The following KATNIP variants were observed in gnomAD, a reference collection of about 807,000 sequenced individuals.
KATNIP encodes the protein katanin interacting protein.
KATNIP carries 126 observed loss-of-function variants against 174.0 expected under a neutral mutation model. That is an observed-to-expected ratio of 0.72 (90% confidence interval 0.63 to 0.84). The LOEUF (loss-of-function observed/expected upper bound fraction) is 0.84, where lower values mean the gene tolerates loss of function less well. Among genes scored for constraint, KATNIP ranks in the 40% least tolerant of loss-of-function variants. The pLI, the probability that KATNIP is intolerant of heterozygous loss-of-function variation, is 0.00. For missense variants in KATNIP, 1,958 were observed against 2,109.7 expected (o/e 0.93, Z 1.41); for synonymous variants, 810 against 835.7 (o/e 0.97, Z 0.53).
At chr16:27,721,467 T>C (rs1597293146) in intron 13 of KATNIP, 91 bp from the exon 14 acceptor site, 1 of 1,518,424 alleles carries the variant, frequency 6.6e-7, no homozygotes, top group East Asian at 2.3e-5. Flanking sequence ...AGGCCTCTCC[T>C]GGTTTTCGTG....
chr16:27,735,393 G>A (rs909640123), intron 14 of KATNIP, among the ~76,000 whole-genome samples: 8 of 152,204 alleles, frequency 5.3e-5, no homozygotes, highest in African/African-American at 1.9e-4. Context: ...TGCTGGACTA[G>A]ATGGTTTCCC....
chr16:27,704,469 C>T (rs2079221477), intron 12 of KATNIP, among the ~76,000 whole-genome samples: 1 of 152,128 alleles, frequency 6.6e-6, no homozygotes, highest in Admixed American at 6.6e-5. Context: ...TTAGGAAGAG[C>T]CTGAGAAACA....
chr16:27,680,895 A>G (rs1007471598), intron 7 of KATNIP, among the ~76,000 whole-genome samples: 7 of 152,180 alleles, frequency 4.6e-5, no homozygotes, highest in Non-Finnish European at 8.8e-5. Flanking sequence ...GAGTTTCACC[A>G]TGTTGGCCAG....
chr16:27,632,116 T>G (rs923421002), intron 5 of KATNIP, among the ~76,000 whole-genome samples: 12 of 152,236 alleles, frequency 7.9e-5, no homozygotes, highest in Admixed American at 2.6e-4. Context: ...TTCTGTGTTC[T>G]TGCTCATATA....
intron 10 of KATNIP, among the ~76,000 whole-genome samples, chr16:27,699,888 CTATT>C (rs1486443787): frequency 2.0e-5 from 3 of 152,004 alleles, no homozygotes; most frequent in Admixed American, 6.6e-5. Context: ...GTAATTATTT[CTATT>C]TATTTATTTT....
chr16:27,575,525 T>C (rs1402040607), intron 2 of KATNIP, among the ~76,000 whole-genome samples: 1 of 152,202 alleles, frequency 6.6e-6, no homozygotes, highest in African/African-American at 2.4e-5. Context: ...CCAACACTTT[T>C]GATTGTAAAG....
chr16:27,574,263 T>G, intron 2 of KATNIP: 1 of 365,414 alleles, frequency 2.7e-6, no homozygotes, highest in South Asian at 2.7e-5. Flanking sequence ...TTTGGTGGGT[T>G]AGCAGTTTGG....
At chr16:27,729,484 T>C (rs1670526135) in intron 14 of KATNIP, among the ~76,000 whole-genome samples, 1 of 152,140 alleles carries the variant, frequency 6.6e-6, no homozygotes, top group African/African-American at 2.4e-5. Context: ...GGAGGAAAAA[T>C]CATCAGGGAA....
rs74423009 is a variant in KATNIP at position 27,607,965 on chromosome 16, C to A, written c.64-10460C>A. On this transcript the variant is annotated intron_variant, in intron 2 of 27. Coordinates refer to ENST00000261588, the MANE Select transcript of KATNIP (RefSeq NM_015202.5). ...AGTGATGGTTCTCTGGTGAGACCTGCAGTCAGCACGGTTGGGTATCCAGCA... is the reference window on the plus strand; with the variant it reads ...AGTGATGGTTCTCTGGTGAGACCTGAAGTCAGCACGGTTGGGTATCCAGCA... 9.7e-3 allele frequency among the ~76,000 whole-genome samples: 1,479 copies of A among 152,252 alleles called. 29 individuals are homozygous for A. The highest frequency in any genetic ancestry group is 0.033 in the African/African-American group (1,380 of 41,538).
At chr16:27,616,014 A>G (rs1181828280) in intron 2 of KATNIP, among the ~76,000 whole-genome samples, 1 of 152,166 alleles carries the variant, frequency 6.6e-6, no homozygotes, top group Non-Finnish European at 1.5e-5. Context: ...ACTTGCTATA[A>G]CTTGGGACCA....
chr16:27,720,084 T>C (rs2143015948), intron 13 of KATNIP, among the ~76,000 whole-genome samples: 1 of 152,298 alleles, frequency 6.6e-6, no homozygotes, highest in East Asian at 1.9e-4. Context: ...CAGACCCAGC[T>C]TACAGTCTCT....
chr16:27,678,283 C>T (rs763975724), intron 7 of KATNIP, among the ~76,000 whole-genome samples: 5 of 152,232 alleles, frequency 3.3e-5, no homozygotes, highest in African/African-American at 9.6e-5. Flanking sequence ...CTAATACAGA[C>T]TAGCTTAAGC....
Position 27,740,223 on chromosome 16 carries a change from C to A in KATNIP, c.1926C>A (p.Gly642=), listed in dbSNP as rs928923454. 1.2e-6 allele frequency: 2 copies of A among 1,614,130 alleles called. No individual in the cohort carries two copies. Among genetic ancestry groups the A allele is most frequent in the African/African-American group, 1.3e-5 (1 of 74,952 alleles). The change falls in exon 15 of 28, where the codon GGC becomes GGA. Residue 642 remains glycine (G), a synonymous_variant. Coordinates refer to ENST00000261588, the MANE Select transcript of KATNIP (RefSeq NM_015202.5). ...ACGCTCACTCGGAAGAAAGCAAAGG[C>A]ACCCATGAGATGGCTGGTGCCAGCG... ...AMNAHSEESK[G]THEMAGASGD...
chr16:27,738,185 G>C (rs2080967630), intron 14 of KATNIP, among the ~76,000 whole-genome samples: 1 of 152,292 alleles, frequency 6.6e-6, no homozygotes, highest in African/African-American at 2.4e-5. Flanking sequence ...AAGACTACAT[G>C]CAACATGATT....
chr16:27,697,968 AG>A (rs1257356306), intron 8 of KATNIP, among the ~76,000 whole-genome samples: 1 of 152,176 alleles, frequency 6.6e-6, no homozygotes, highest in African/African-American at 2.4e-5. Context: ...CCTAAAAACA[AG>A]GGCATTCATT....
intron 2 of KATNIP, among the ~76,000 whole-genome samples, chr16:27,579,374 G>A (rs925620994): frequency 1.3e-5 from 2 of 152,218 alleles, no homozygotes; most frequent in African/African-American, 4.8e-5. Context: ...TTGGACTTGA[G>A]CCCTCTCACC....
intron 2 of KATNIP, among the ~76,000 whole-genome samples, chr16:27,608,464 C>A (rs2075787620): frequency 7.7e-6 from 1 of 130,330 alleles, no homozygotes. Flanking sequence ...CCAGGCTGAT[C>A]TCAAACCACA....
rs1485190434 is a variant in KATNIP, at chr16:27,761,435, C to T, written c.3654C>T (p.Ala1218=). The T allele has an allele frequency of 6.2e-7, 1 of 1,613,220 alleles. No homozygotes were observed. Among genetic ancestry groups the T allele is most frequent in the East Asian group, 2.2e-5 (1 of 44,864 alleles). ...HGICLQLNFT[A]SWGDLHYLGL... ...CAGGCCTTCAGCTGAATTTCACTGC[C>T]TCCTGGGGAGACTTGCACTACCTGG... is the stretch of plus-strand genomic sequence containing the variant. The change falls in exon 19 of 28, where the codon GCC becomes GCT. Residue 1218 remains alanine, a synonymous_variant. Transcript: ENST00000261588.
chr16:27,632,458 C>T, intron 5 of KATNIP: 1 of 375,026 alleles, frequency 2.7e-6, no homozygotes, highest in South Asian at 1.9e-5. Flanking sequence ...AGCTTCATGC[C>T]TCTCCATGGA....
Sources: allele counts gnomAD v4.1 joint callset (sites outside exome capture counted in the v4.1 genomes callset), GRCh38; gene constraint gnomAD v4.1.1; transcripts MANE v1.5; gene names NCBI Gene and HGNC (gene_info 2026-07-23, HGNC 2026-07-21).